The following ARHGAP18 variants were observed in gnomAD, a reference collection of about 807,000 sequenced individuals.
The protein encoded by ARHGAP18 is rho GTPase-activating protein 18.
A neutral mutation model predicts 86.2 loss-of-function variants in ARHGAP18; 67 were observed. The observed-to-expected ratio is 0.78, with a 90% CI of 0.64 to 0.95. The LOEUF (loss-of-function observed/expected upper bound fraction) is 0.95. Among genes scored for constraint, ARHGAP18 ranks in the 40% least tolerant of loss-of-function variants. The pLI is 0.00. For missense variants in ARHGAP18, 691 were observed against 780.4 expected (o/e 0.89, Z 1.37); for synonymous variants, 283 against 280.4 (o/e 1.01, Z -0.09).
intron 6 of ARHGAP18, among the ~76,000 whole-genome samples, chr6:129,618,075 T>C (rs1789132654): frequency 1.3e-5 from 2 of 151,716 alleles, no homozygotes; most frequent in Admixed American, 6.6e-5. Flanking sequence ...AAATAAACTG[T>C]TTATTTAATG....
At chr6:129,595,900 C>A (rs954597382) in intron 12 of ARHGAP18, among the ~76,000 whole-genome samples, 5 of 152,114 alleles carry the variant, frequency 3.3e-5, no homozygotes, top group Admixed American at 1.3e-4. Context: ...CTCTTTTGTT[C>A]TCCTACATGA....
intron 5 of ARHGAP18, among the ~76,000 whole-genome samples, chr6:129,620,014 G>C (rs1384342010): frequency 3.3e-5 from 5 of 152,116 alleles, no homozygotes; most frequent in African/African-American, 1.2e-4. Context: ...GAGGGCTATT[G>C]TGAGATTTAG....
At chr6:129,628,899 T>G (rs1584067101) in intron 5 of ARHGAP18, among the ~76,000 whole-genome samples, 3 of 152,210 alleles carry the variant, frequency 2.0e-5, no homozygotes, top group African/African-American at 4.8e-5. Context: ...TTAAATATGA[T>G]TATCACTTCA....
intron 1 of ARHGAP18, among the ~76,000 whole-genome samples, chr6:129,700,062 C>G (rs889026983): frequency 3.9e-5 from 6 of 152,200 alleles, no homozygotes; most frequent in Non-Finnish European, 8.8e-5. Flanking sequence ...CCCCAGATCT[C>G]TGCCACAGAT....
chr6:129,681,398 A>G (rs7765511), intron 1 of ARHGAP18, among the ~76,000 whole-genome samples: 5,458 of 152,302 alleles, frequency 0.036, 303 homozygotes, highest in African/African-American at 0.12. Flanking sequence ...TAACATTGTT[A>G]ATACTTAACA....
chr6:129,699,368 AG>A (rs1360625822), intron 1 of ARHGAP18, among the ~76,000 whole-genome samples: 1 of 152,246 alleles, frequency 6.6e-6, no homozygotes, highest in Non-Finnish European at 1.5e-5. Flanking sequence ...ATTGTACTAA[AG>A]TAAGATAAAA....
intron 14 of ARHGAP18, among the ~76,000 whole-genome samples, chr6:129,578,860 G>T (rs1026030404): frequency 6.6e-6 from 1 of 151,930 alleles, no homozygotes; most frequent in Non-Finnish European, 1.5e-5. Flanking sequence ...GCTACTCAGG[G>T]GGCTGAGGTG....
In ARHGAP18 at chr6:129,600,517, T is replaced by C. The variant is rs925591781; in HGVS notation, c.1572+125A>G. The C allele has an allele frequency of 3.1e-5, 23 of 740,398 alleles. No homozygotes were observed. The African/African-American group carries it at 3.4e-4, about 11-fold the overall frequency. The allele number at this position is 740,398 out of a possible 1,614,324, so 45.9% of individuals were successfully genotyped here. On this transcript the variant is annotated intron_variant, in intron 11 of 14. Transcript: ENST00000368149. ...AAATTCACAGGGCCCTCCTTACCTA[T>C]ATGAATAAAATGTTTTTAATATTTT...
Position 129,640,061 on chromosome 6 carries a change from A to C in ARHGAP18, c.317-1432T>G, listed in dbSNP as rs1481777006. ...CTGTCTCAAAAAAAAAAAAAAAAAA[A>C]AAACAAACAAAAGTCAGCCATTATT... On this transcript the variant is annotated intron_variant, in intron 2 of 14. Coordinates refer to ENST00000368149, the MANE Select transcript of ARHGAP18 (RefSeq NM_033515.3). 6.2e-4 allele frequency among the ~76,000 whole-genome samples: 86 copies of C among 138,426 alleles called. No individual in the cohort carries two copies. The South Asian group carries it at 7.5e-3, about 12-fold the overall frequency. The allele number at this position is 138,426 out of a possible 152,430, so 90.8% of individuals were successfully genotyped here. A position where few individuals can be genotyped will look rare whatever the true frequency, so the allele number is the denominator to read the frequency against.
At chr6:129,639,994 G>A (rs62421090) in intron 2 of ARHGAP18, among the ~76,000 whole-genome samples, 28,711 of 140,818 alleles carry the variant, frequency 0.2, 3,066 homozygotes, top group Non-Finnish European at 0.24. Context: ...GCAATGAACC[G>A]AGATTGTGCC....
At chr6:129,585,389 C>G (rs1260135566) in intron 12 of ARHGAP18, among the ~76,000 whole-genome samples, 1 of 152,100 alleles carries the variant, frequency 6.6e-6, no homozygotes, top group African/African-American at 2.4e-5. Context: ...AATAATATAC[C>G]TTTAGAATCA....
intron 12 of ARHGAP18, among the ~76,000 whole-genome samples, chr6:129,591,975 G>A (rs1344813924): frequency 6.6e-6 from 1 of 152,068 alleles, no homozygotes. Flanking sequence ...AATTATAATT[G>A]GATCTTTGTT....
chr6:129,610,055 TTCTC>T (rs1788945595), intron 8 of ARHGAP18, among the ~76,000 whole-genome samples: 1 of 152,154 alleles, frequency 6.6e-6, no homozygotes, highest in South Asian at 2.1e-4. Context: ...TGAAGAGAGA[TTCTC>T]TCTCTTTTCT....
chr6:129,578,498 A>G lies in ARHGAP18; in HGVS notation c.*15T>C, dbSNP rs1788224685. The G allele has an allele frequency of 6.2e-7, 1 of 1,601,086 alleles. No individual in the cohort carries two copies. Among genetic ancestry groups the G allele is most frequent in the South Asian group, 1.1e-5 (1 of 89,970 alleles). On this transcript the variant is annotated 3_prime_UTR_variant, in exon 15 of 15. Coordinates refer to ENST00000368149, the MANE Select transcript of ARHGAP18 (RefSeq NM_033515.3). ...GACAGAAGTCCACATGGTTATCTGCAGCTTGTTAAGTCTTCTACAATGGCT... is the reference window on the plus strand; with the variant it reads ...GACAGAAGTCCACATGGTTATCTGCGGCTTGTTAAGTCTTCTACAATGGCT...
intron 14 of ARHGAP18, among the ~76,000 whole-genome samples, chr6:129,578,989 A>G (rs1788235022): frequency 6.6e-6 from 1 of 150,890 alleles, no homozygotes; most frequent in East Asian, 1.9e-4. Context: ...AATAATAATA[A>G]AAAAAAAACT....
At chr6:129,654,062 A>G (rs1379978111) in intron 1 of ARHGAP18, among the ~76,000 whole-genome samples, 1 of 151,914 alleles carries the variant, frequency 6.6e-6, no homozygotes, top group Admixed American at 6.6e-5. Context: ...ACACACACAC[A>G]CCTCACAAAA....
In ARHGAP18 at chr6:129,578,420, AAT is replaced by A; in HGVS notation, c.*91_*92del. On this transcript the variant is annotated 3_prime_UTR_variant, in exon 15 of 15. Coordinates refer to ENST00000368149, the MANE Select transcript of ARHGAP18 (RefSeq NM_033515.3). ...TTTAAATACTTGGGTACAACTGAAT[AAT>A]ATGAGTCCTGCCATTTCTTTTATTT... 4 of 952,406 alleles carry A rather than the reference AAT, an allele frequency of 4.2e-6. No individual in the cohort carries two copies. The South Asian group carries it at 5.4e-5, about 13-fold the overall frequency. The allele number at this position is 952,406 out of a possible 1,614,324, so 59.0% of individuals were successfully genotyped here.
intron 1 of ARHGAP18, among the ~76,000 whole-genome samples, chr6:129,649,565 A>AG (rs1273008058): frequency 6.6e-6 from 1 of 151,298 alleles, no homozygotes; most frequent in East Asian, 1.9e-4. Context: ...AAAAAAAAAA[A>AG]AAAAAAAAAA....
chr6:129,605,218 G>C (rs1477682797), intron 10 of ARHGAP18, among the ~76,000 whole-genome samples: 1 of 152,064 alleles, frequency 6.6e-6, no homozygotes, highest in African/African-American at 2.4e-5. Context: ...ATAAATCAGT[G>C]TGGCACAATC....
Sources: allele counts gnomAD v4.1 joint callset (sites outside exome capture counted in the v4.1 genomes callset), GRCh38; gene constraint gnomAD v4.1.1; transcripts MANE v1.5; gene names NCBI Gene and HGNC (gene_info 2026-07-23, HGNC 2026-07-21).